KDM4C: variants seen among roughly 807,000 people sequenced by gnomAD.
KDM4C encodes lysine demethylase 4C, also known as lysine-specific demethylase 4C.
Under a neutral mutation model 129.3 loss-of-function variants are expected in KDM4C, and 81 were observed. That is an observed-to-expected ratio of 0.63 (90% confidence interval 0.52 to 0.75). The LOEUF is 0.75. Among genes scored for constraint, KDM4C ranks in the 30% least tolerant of loss-of-function variants. The pLI, the probability that KDM4C is intolerant of heterozygous loss-of-function variation, is 0.00. For missense variants in KDM4C, 1,457 were observed against 1,304.0 expected (o/e 1.12, Z -1.81); for synonymous variants, 573 against 456.1 (o/e 1.26, Z -3.26).
At chr9:6,731,325 C>CTCT (rs1817327286) in intron 1 of KDM4C, among the ~76,000 whole-genome samples, 2 of 114,052 alleles carry the variant, frequency 1.8e-5, no homozygotes, top group Non-Finnish European at 3.5e-5. Flanking sequence ...TTTTTTTTTG[C>CTCT]TTTTTTTTTT....
At chr9:7,051,142 G>A (rs1830101447) in intron 17 of KDM4C, among the ~76,000 whole-genome samples, 1 of 152,112 alleles carries the variant, frequency 6.6e-6, no homozygotes, top group South Asian at 2.1e-4. Context: ...TTCATATAAT[G>A]TTATATTTAT....
chr9:6,958,387 C>A (rs562062297), intron 8 of KDM4C, among the ~76,000 whole-genome samples: 13 of 152,122 alleles, frequency 8.5e-5, no homozygotes, highest in African/African-American at 3.1e-4. Context: ...AAGTTCGAGA[C>A]CAGCCTGACC....
intron 12 of KDM4C, among the ~76,000 whole-genome samples, chr9:6,996,043 G>A (rs1819680379): frequency 6.6e-6 from 1 of 152,190 alleles, no homozygotes; most frequent in Non-Finnish European, 1.5e-5. Context: ...CTGCATAGTG[G>A]TGAAGTCTGG....
intron 8 of KDM4C, chr9:6,925,569 A>T: frequency 1.0e-6 from 1 of 984,860 alleles, no homozygotes; most frequent in Non-Finnish European, 1.2e-6. Flanking sequence ...GTTCTGGTAC[A>T]AGTGGGAGCC....
At chr9:6,834,297 A>G (rs1835451679) in intron 4 of KDM4C, among the ~76,000 whole-genome samples, 2 of 152,014 alleles carry the variant, frequency 1.3e-5, no homozygotes, top group Admixed American at 6.6e-5. Context: ...TTGGCCTCCC[A>G]AAGTGCTGAG....
At chr9:6,965,469 C>T (rs1563899659) in intron 8 of KDM4C, among the ~76,000 whole-genome samples, 1 of 152,046 alleles carries the variant, frequency 6.6e-6, no homozygotes. Flanking sequence ...ACAATACCAG[C>T]AGGATATGTG....
chr9:7,103,890 C>T lies in KDM4C; in HGVS notation c.2610+20C>T, dbSNP rs1837387470. 1.9e-6 allele frequency: 3 copies of T among 1,609,890 alleles called. No homozygotes were observed. The highest frequency in any genetic ancestry group is 2.5e-6 in the Non-Finnish European group (3 of 1,176,620). ...AACGTGGTAAGATGTGCCCTCCCTT[C>T]CTCAGTGCTAAGACCGTGTCTGGAT... On this transcript the variant is annotated intron_variant, in intron 18 of 21. Coordinates refer to ENST00000381309, the MANE Select transcript of KDM4C (RefSeq NM_015061.6).
At chr9:6,836,034 G>A (rs1371635286) in intron 4 of KDM4C, among the ~76,000 whole-genome samples, 8 of 152,060 alleles carry the variant, frequency 5.3e-5, no homozygotes, top group Middle Eastern at 3.4e-3. Context: ...ATCAGCCTTC[G>A]TGGCCCCCCT....
intron 2 of KDM4C, among the ~76,000 whole-genome samples, 171 bp downstream of exon 2, chr9:6,793,303 T>A (rs1423440838): frequency 6.6e-6 from 1 of 152,080 alleles, no homozygotes. Flanking sequence ...GTCTTATTTT[T>A]CCTTCAAGTA....
Position 6,743,979 on chromosome 9 carries a change from C to G in KDM4C, c.49+22982C>G, listed in dbSNP as rs184401544. Among the ~76,000 whole-genome samples the G allele has an allele frequency of 7.3e-3, 1,105 of 151,534 alleles. 21 individuals carry two copies. The highest frequency in any genetic ancestry group is 0.025 in the African/African-American group (1,027 of 41,252). On this transcript the variant is annotated intron_variant, in intron 1 of 17. Transcript: ENST00000536108. ...CCCAGGCTGTTCTCAAACTCCTGGG[C>G]TCAAACAATCCTCCCACCTTGGCCT... is the stretch of plus-strand genomic sequence containing the variant.
In KDM4C at chr9:7,142,375, A is replaced by C. The variant is rs995344425; in HGVS notation, c.2781+14139A>C. ...GCAATCCTTCCACTTTGGCCTCCCA[A>C]AATGCTGGGATTACAGGTGTGAGCC... On this transcript the variant is annotated intron_variant, in intron 19 of 21. Coordinates refer to ENST00000381309, the MANE Select transcript of KDM4C (RefSeq NM_015061.6). 1.1e-4 allele frequency among the ~76,000 whole-genome samples: 17 copies of C among 152,310 alleles called. No individual in the cohort carries two copies. The East Asian group carries it at 2.9e-3, about 26-fold the overall frequency.
At chr9:6,826,751 C>T (rs1210524118) in intron 4 of KDM4C, among the ~76,000 whole-genome samples, 3 of 151,690 alleles carry the variant, frequency 2.0e-5, no homozygotes, top group Non-Finnish European at 4.4e-5. Flanking sequence ...CCTGTAGTGC[C>T]AGCTATTGGG....
At chr9:7,065,159 A>C (rs1832251680) in intron 17 of KDM4C, among the ~76,000 whole-genome samples, 1 of 152,190 alleles carries the variant, frequency 6.6e-6, no homozygotes. Flanking sequence ...AAACCCATGA[A>C]AATGAGTTTA....
At chr9:6,822,796 C>T (rs1044067390) in intron 4 of KDM4C, among the ~76,000 whole-genome samples, 3 of 152,244 alleles carry the variant, frequency 2.0e-5, no homozygotes, top group Non-Finnish European at 4.4e-5. Flanking sequence ...TGCAAGTCAG[C>T]AGATGTCTGT....
rs796858594 is a variant in KDM4C, at chr9:7,009,457, CT to C, written c.1787-2232del. ...TACAGAAATATTTTATGCATACATT[CT>C]TTTTTTTTCACAGATTTAATAAAAT... On this transcript the variant is annotated intron_variant, in intron 12 of 21. Transcript: ENST00000381309. Among the ~76,000 whole-genome samples the C allele has an allele frequency of 4.7e-3, 719 of 151,548 alleles. 4 individuals carry two copies. Among genetic ancestry groups the C allele is most frequent in the African/African-American group, 0.016 (681 of 41,338 alleles).
rs192483410 is a variant in KDM4C at position 6,727,951 on chromosome 9, T to C, written c.49+6954T>C. ...GCCATTTTGCCTTTCTGACATTTCC[T>C]TGGGAATCTGCAAGAACCTCCCCTT... On this transcript the variant is annotated intron_variant, in intron 1 of 17. Coordinates refer to the KDM4C transcript ENST00000536108. 2.6e-5 allele frequency among the ~76,000 whole-genome samples: 4 copies of C among 151,622 alleles called. No individual in the cohort carries two copies. In the Admixed American group the frequency reaches 2.6e-4, roughly 10 times the overall value.
chr9:7,018,769 A>C lies in KDM4C; in HGVS notation c.2259+2840A>C, dbSNP rs182110482. ...GGTTCTGATTGATTATGCTGTTTTCATGTAGCATGTTTCATACAGAAAATG... is the reference window on the plus strand; with the variant it reads ...GGTTCTGATTGATTATGCTGTTTTCCTGTAGCATGTTTCATACAGAAAATG... On this transcript the variant is annotated intron_variant, in intron 15 of 21. Coordinates refer to ENST00000381309, the MANE Select transcript of KDM4C (RefSeq NM_015061.6). Among the ~76,000 whole-genome samples, 144 of 152,340 alleles carry C rather than the reference A, an allele frequency of 9.5e-4. 2 individuals carry two copies. Among genetic ancestry groups the C allele is most frequent in the Admixed American group, 4.4e-3 (67 of 15,298 alleles).
At chr9:6,724,619 C>T (rs1453777756) in intron 1 of KDM4C, among the ~76,000 whole-genome samples, 1 of 152,128 alleles carries the variant, frequency 6.6e-6, no homozygotes, top group Admixed American at 6.6e-5. Flanking sequence ...CAACCTCTGT[C>T]TCCCAGGTTC....
intron 19 of KDM4C, among the ~76,000 whole-genome samples, chr9:7,140,748 C>T (rs1353978170): frequency 1.3e-5 from 2 of 152,162 alleles, no homozygotes; most frequent in African/African-American, 2.4e-5. Flanking sequence ...CAGTAAAATT[C>T]GAATGGTTTT....
Sources: gnomAD v4.1 joint callset for allele counts (sites outside exome capture counted in the v4.1 genomes callset) on GRCh38, gnomAD v4.1.1 for gene constraint, MANE v1.5 for transcripts, NCBI Gene and HGNC (gene_info 2026-07-23, HGNC 2026-07-21) for gene names.